The following LRRK2 variants were observed in gnomAD, a reference collection of about 807,000 sequenced individuals.
LRRK2 encodes the protein leucine-rich repeat serine/threonine-protein kinase 2.
A neutral mutation model predicts 302.6 loss-of-function variants in LRRK2; 203 were observed. The ratio of observed to expected loss-of-function variants is 0.67; its 90% CI spans 0.60 to 0.75. The LOEUF (loss-of-function observed/expected upper bound fraction) is 0.75. Among genes scored for constraint, LRRK2 ranks in the 30% least tolerant of loss-of-function variants. The pLI, the probability that LRRK2 is intolerant of heterozygous loss-of-function variation, is 0.00. For synonymous variants in LRRK2, 1,066 were observed against 1,031.9 expected (o/e 1.03, Z -0.63); for missense variants, 2,830 against 2,951.0 (o/e 0.96, Z 0.95).
intron 14 of LRRK2, among the ~76,000 whole-genome samples, chr12:40,271,413 CT>C (rs1407953197): frequency 2.6e-5 from 4 of 152,124 alleles, no homozygotes; most frequent in African/African-American, 9.7e-5. Flanking sequence ...TTCCATTGAG[CT>C]GGCTAGCTCA....
At chr12:40,238,850 G>A (rs1298988227) in intron 5 of LRRK2, among the ~76,000 whole-genome samples, 1 of 152,164 alleles carries the variant, frequency 6.6e-6, no homozygotes, top group East Asian at 1.9e-4. Context: ...GATAACTGTT[G>A]AATTCCCTGT....
rs565153438 is a variant in LRRK2, at chr12:40,309,373, T to G, written c.4317+140T>G. 408 of 1,147,128 alleles carry G rather than the reference T, an allele frequency of 3.6e-4. 5 individuals are homozygous for G. In the South Asian group the frequency reaches 6.4e-3, roughly 18 times the overall value. The allele number at this position is 1,147,128 out of a possible 1,614,324, so 71.1% of individuals were successfully genotyped here. On this transcript the variant is annotated intron_variant, in intron 30 of 50. Transcript: ENST00000298910. ...TACTTTCTTAAAAGAAGCACTAAAA[T>G]TTTGAATTGGGAAACTTTCCGAGTA...
Position 40,355,397 on chromosome 12 carries a change from T to A in LRRK2, c.6771-718T>A, listed in dbSNP as rs542935328. On this transcript the variant is annotated intron_variant, in intron 45 of 50. Coordinates refer to ENST00000298910, the MANE Select transcript of LRRK2 (RefSeq NM_198578.4). ...ACTGGAGCACCTTGTTGGAAGGAAG[T>A]GGGAGCAGTTGTCAATGTGATTAGG... 2.0e-5 allele frequency among the ~76,000 whole-genome samples: 3 copies of A among 151,964 alleles called. No individual in the cohort carries two copies. In the East Asian group the frequency reaches 5.8e-4, roughly 30 times the overall value.
In LRRK2 at chr12:40,315,235, C is replaced by T; in HGVS notation, c.4762C>T (p.Pro1588Ser). 1 of 1,612,384 alleles carries T rather than the reference C, an allele frequency of 6.2e-7. No individual in the cohort carries two copies. The highest frequency in any genetic ancestry group is 8.5e-7 in the Non-Finnish European group (1 of 1,178,760). The change falls in exon 33 of 51, where the codon CCA becomes TCA. Residue 1588 changes from proline (P) to serine (S), a missense_variant. Physicochemically the swap from Pro to Ser is moderately conservative, Grantham distance 74 (BLOSUM62 -1). Around this residue, in one of 3 missense-constraint regions of LRRK2, gnomAD observed 2,121 missense variants for 2,148.0 expected, o/e 0.99. Coordinates refer to ENST00000298910, the MANE Select transcript of LRRK2 (RefSeq NM_198578.4). ...ESGVLLHFQDPALQLSDLYFV... is the reference protein window; with the variant it reads ...ESGVLLHFQDSALQLSDLYFV... ...AGGAGTCCTTCTTCATTTTCAAGAC[C>T]CAGCACTGCAGTTAAGTGACTTGTA... is the stretch of plus-strand genomic sequence containing the variant.
At chr12:40,359,802 A>G (rs1325651259) in intron 47 of LRRK2, among the ~76,000 whole-genome samples, 3 of 152,154 alleles carry the variant, frequency 2.0e-5, no homozygotes, top group Non-Finnish European at 4.4e-5. Context: ...CGGACTATAC[A>G]TATGCAATTT....
intron 31 of LRRK2, among the ~76,000 whole-genome samples, chr12:40,310,877 G>A (rs1168809431): frequency 6.6e-6 from 1 of 152,102 alleles, no homozygotes; most frequent in Non-Finnish European, 1.5e-5. Context: ...GAGAAACTAA[G>A]AGACCGTTTC....
rs5006481 is a variant in LRRK2, at chr12:40,293,896, C to T, written c.2808+233C>T. Among the ~76,000 whole-genome samples the T allele has an allele frequency of 0.48, 39,150 of 82,368 alleles. 6,638 individuals are homozygous for T. Among genetic ancestry groups the T allele is most frequent in the African/African-American group, 0.54 (16,711 of 30,962 alleles). 54.0% of individuals were successfully genotyped at this position (82,368 alleles called of 152,430 possible). On this transcript the variant is annotated intron_variant, in intron 21 of 50. Coordinates refer to ENST00000298910, the MANE Select transcript of LRRK2 (RefSeq NM_198578.4). ...TGCAGGGTATGAATTTTTTGGGGCACATATATATATATATATATACTTACA... is the reference window on the plus strand; with the variant it reads ...TGCAGGGTATGAATTTTTTGGGGCATATATATATATATATATATACTTACA...
At chr12:40,364,740 T>C in intron 48 of LRRK2, 102 bp from the exon 49 acceptor site, 5 of 994,232 alleles carry the variant, frequency 5.0e-6, no homozygotes, top group Non-Finnish European at 7.7e-6. Flanking sequence ...GGTGGTGGTG[T>C]CATGTTTTAA....
intron 23 of LRRK2, 78 bp from the exon 24 acceptor site, chr12:40,298,165 T>TAAGGCAGA (rs1480350577): frequency 1.5e-5 from 21 of 1,430,302 alleles, no homozygotes; most frequent in Non-Finnish European, 1.7e-5. Context: ...TTACCAGAGG[T>TAAGGCAGA]GTGTAAGGCA....
chr12:40,314,254 C>T, intron 32 of LRRK2, 81 bp downstream of exon 32: 1 of 1,395,676 alleles, frequency 7.2e-7, no homozygotes, highest in South Asian at 1.2e-5. Context: ...ATAGAATTTA[C>T]ATTCAAAGTT....
At chr12:40,364,097 G>T (rs1946801391) in intron 48 of LRRK2, among the ~76,000 whole-genome samples, 1 of 151,828 alleles carries the variant, frequency 6.6e-6, no homozygotes, top group Non-Finnish European at 1.5e-5. Context: ...TGAGAAACAG[G>T]ACCATTTTCA....
rs181342069 is a variant in LRRK2, at chr12:40,281,436, G to T, written c.2242-2439G>T. Among the ~76,000 whole-genome samples, 81 of 152,322 alleles carry T rather than the reference G, an allele frequency of 5.3e-4. 1 individual carries two copies. Among genetic ancestry groups the T allele is most frequent in the Admixed American group, 5.2e-3 (80 of 15,304 alleles). Reference sequence around the variant, plus strand: ...ATAACAGTTTGAATAATTTGGTTTTGATAATGCACTGCATTTATTATAAAT... The same window carrying T: ...ATAACAGTTTGAATAATTTGGTTTTTATAATGCACTGCATTTATTATAAAT... On this transcript the variant is annotated intron_variant, in intron 18 of 50. Transcript: ENST00000298910.
intron 40 of LRRK2, among the ~76,000 whole-genome samples, chr12:40,336,945 C>A (rs1317947337): frequency 6.6e-6 from 1 of 152,116 alleles, no homozygotes; most frequent in Admixed American, 6.6e-5. Flanking sequence ...TTCGAAACAC[C>A]TTATCTCTAA....
chr12:40,262,307 C>T (rs17519671), intron 13 of LRRK2, among the ~76,000 whole-genome samples: 2,308 of 152,186 alleles, frequency 0.015, 61 homozygotes, highest in African/African-American at 0.053. Context: ...CTGATTCTAA[C>T]AGCACTCCAT....
At chr12:40,247,827 T>C (rs1372638742) in intron 7 of LRRK2, among the ~76,000 whole-genome samples, 1 of 147,392 alleles carries the variant, frequency 6.8e-6, no homozygotes, top group Non-Finnish European at 1.5e-5. Flanking sequence ...TAAATATATA[T>C]ATTTTTTGAT....
chr12:40,243,576 G>A lies in LRRK2; in HGVS notation c.733G>A (p.Gly245Ser), dbSNP rs1489083259. 1 of 1,611,872 alleles carries A rather than the reference G, an allele frequency of 6.2e-7. No homozygotes were observed. The highest frequency in any genetic ancestry group is 2.2e-5 in the East Asian group (1 of 44,700). ...PCNNVEVLMS[G>S]NVRCYNIVVE... is the part of the protein sequence containing the mutation. ...CAATAATGTGGAAGTCCTCATGAGTGGCAATGTCAGGTGTTATAATATTGT... is the reference window on the plus strand; with the variant it reads ...CAATAATGTGGAAGTCCTCATGAGTAGCAATGTCAGGTGTTATAATATTGT... Residue 245 changes from glycine (G) to serine (S), a missense_variant, in exon 7 of 51, where the codon GGC becomes AGC. Physicochemically the swap from Gly to Ser is moderately conservative, Grantham distance 56. This residue lies in a region of LRRK2 where 2,121 missense variants were observed against 2,148.0 expected (regional missense o/e 0.99). Coordinates refer to ENST00000298910, the MANE Select transcript of LRRK2 (RefSeq NM_198578.4).
intron 25 of LRRK2, 34 bp downstream of exon 25, chr12:40,299,291 G>T (rs781294967): frequency 5.6e-6 from 9 of 1,610,810 alleles, no homozygotes; most frequent in Non-Finnish European, 7.6e-6. Context: ...TCCTTACCAG[G>T]CCCTCTAAGT....
At chr12:40,311,962 GTGT>G (rs1207912183) in intron 31 of LRRK2, among the ~76,000 whole-genome samples, 1 of 101,730 alleles carries the variant, frequency 9.8e-6, no homozygotes, top group Non-Finnish European at 2.1e-5. Context: ...CTTAATCCAG[GTGT>G]TTTTTTTTTC....
chr12:40,364,983 T>A lies in LRRK2; in HGVS notation c.7323T>A (p.Thr2441=), dbSNP rs558176427. The A allele has an allele frequency of 6.2e-7, 1 of 1,612,738 alleles. No individual in the cohort carries two copies. The highest frequency in any genetic ancestry group is 1.1e-5 in the South Asian group (1 of 91,046). Residue 2441 remains threonine (T), a synonymous_variant, in exon 49 of 51, where the codon ACT becomes ACA. Transcript: ENST00000298910. The stretch of plus-strand genomic sequence containing the variant: ...ATATTTTACTCCTGGATCTTTCAAC[T>A]CGTCGACTTATACGTGTAATTTACA... ...GGHILLLDLS[T]RRLIRVIYNF...
Sources: allele counts gnomAD v4.1 joint callset (sites outside exome capture counted in the v4.1 genomes callset), GRCh38; gene constraint gnomAD v4.1.1; regional missense constraint gnomAD v4.1.1; transcripts MANE v1.5; gene names NCBI Gene and HGNC (gene_info 2026-07-23, HGNC 2026-07-21).